FOXN3: variants seen among roughly 807,000 people sequenced by gnomAD.
FOXN3 encodes forkhead box protein N3.
FOXN3 carries 7 observed loss-of-function variants against 38.4 expected under a neutral mutation model. The observed-to-expected ratio is 0.18, with a 90% confidence interval of 0.10 to 0.34. The LOEUF (loss-of-function observed/expected upper bound fraction) is 0.34. FOXN3 is among the 10% of genes least tolerant of loss of function. FOXN3 has a pLI of 1.00. For missense variants in FOXN3, 456 were observed against 613.4 expected (o/e 0.74, Z 2.71); for synonymous variants, 230 against 242.2 (o/e 0.95, Z 0.47).
At chr14:89,463,216 G>T (rs1452320750) in intron 1 of FOXN3, among the ~76,000 whole-genome samples, 1 of 151,616 alleles carries the variant, frequency 6.6e-6, no homozygotes, top group Non-Finnish European at 1.5e-5. Context: ...ATGAACCCGG[G>T]AGGCAGAGCC....
At chr14:89,323,297 A>AG (rs1357551124) in intron 3 of FOXN3, among the ~76,000 whole-genome samples, 4 of 147,480 alleles carry the variant, frequency 2.7e-5, no homozygotes, top group East Asian at 2.0e-4. Flanking sequence ...CAAAAAAAAA[A>AG]AAAAAAAGAA....
At chr14:89,461,364 C>A (rs1194536438) in intron 1 of FOXN3, among the ~76,000 whole-genome samples, 2 of 151,750 alleles carry the variant, frequency 1.3e-5, no homozygotes, top group African/African-American at 4.8e-5. Context: ...TCTCAGTCTG[C>A]CTGTTGTCTG....
intron 3 of FOXN3, among the ~76,000 whole-genome samples, chr14:89,322,196 T>C (rs1596182459): frequency 6.6e-6 from 1 of 152,048 alleles, no homozygotes. Flanking sequence ...TGTTAATAAT[T>C]AGCAGGAAGC....
intron 4 of FOXN3, among the ~76,000 whole-genome samples, chr14:89,245,784 C>T (rs1885276769): frequency 6.6e-6 from 1 of 152,162 alleles, no homozygotes; most frequent in East Asian, 1.9e-4. Flanking sequence ...ACTTGTTAAA[C>T]AAACAAACTC....
intron 1 of FOXN3, among the ~76,000 whole-genome samples, chr14:89,465,344 C>T (rs2139735848): frequency 6.6e-6 from 1 of 152,298 alleles, no homozygotes; most frequent in South Asian, 2.1e-4. Flanking sequence ...ATTCTCCTGC[C>T]TCAGCCTCCC....
At chr14:89,580,098 C>T (rs369216272) in intron 1 of FOXN3, among the ~76,000 whole-genome samples, 1 of 152,120 alleles carries the variant, frequency 6.6e-6, no homozygotes, top group Admixed American at 6.6e-5. Context: ...ACTCCATAAC[C>T]CATATTTCTA....
intron 1 of FOXN3, among the ~76,000 whole-genome samples, chr14:89,545,426 G>A (rs243170): frequency 0.3 from 46,131 of 152,074 alleles, 7,392 homozygotes; most frequent in East Asian, 0.46. Flanking sequence ...TGTGCCTACT[G>A]GCTCCTTCTA....
upstream of FOXN3, chr14:89,417,719 G>A (rs1304036708): frequency 2.2e-6 from 1 of 455,794 alleles, no homozygotes; most frequent in African/African-American, 2.0e-5. Context: ...GAGATTCCAC[G>A]TCTCCCCAGT....
intron 3 of FOXN3, 92 bp downstream of exon 3, chr14:89,350,578 ATC>A (rs1888929248): frequency 2.7e-6 from 3 of 1,106,468 alleles, no homozygotes; most frequent in Non-Finnish European, 3.7e-6. Flanking sequence ...TATTTTTAAA[ATC>A]TCGTACGGCC....
chr14:89,281,043 C>G, intron 3 of FOXN3, 29 bp from the exon 4 acceptor site: 1 of 1,598,982 alleles, frequency 6.3e-7, no homozygotes. Context: ...TAGCATAAGG[C>G]CAAGTTCATC....
intron 3 of FOXN3, among the ~76,000 whole-genome samples, chr14:89,334,050 A>T (rs907486192): frequency 3.0e-5 from 3 of 99,302 alleles, no homozygotes; most frequent in Non-Finnish European, 7.1e-5. Flanking sequence ...CACACACACA[A>T]AGGAATATTA....
chr14:89,168,901 A>G (rs1454043671), intron 5 of FOXN3, among the ~76,000 whole-genome samples: 1 of 152,226 alleles, frequency 6.6e-6, no homozygotes, highest in Non-Finnish European at 1.5e-5. Flanking sequence ...ACTAATTAAG[A>G]TAAAACAAGT....
intron 3 of FOXN3, among the ~76,000 whole-genome samples, chr14:89,334,002 ATATATATG>A (rs1420012940): frequency 4.5e-4 from 18 of 39,956 alleles, no homozygotes; most frequent in Admixed American, 7.8e-4. Context: ...ATATATATAT[ATATATATG>A]TATATAAATG....
intron 2 of FOXN3, among the ~76,000 whole-genome samples, chr14:89,398,606 C>T (rs1360031696): frequency 6.6e-6 from 1 of 152,110 alleles, no homozygotes; most frequent in South Asian, 2.1e-4. Context: ...GCATGTTAAT[C>T]CTCATCACCT....
intron 4 of FOXN3, among the ~76,000 whole-genome samples, chr14:89,236,701 T>C (rs184591448): frequency 1.9e-4 from 29 of 152,320 alleles, no homozygotes; most frequent in African/African-American, 6.0e-4. Context: ...ATTGTCCTGA[T>C]AGGGAGGCCT....
chr14:89,326,732 C>G (rs927892360), intron 3 of FOXN3, among the ~76,000 whole-genome samples: 3 of 152,052 alleles, frequency 2.0e-5, no homozygotes, highest in East Asian at 1.9e-4. Flanking sequence ...GCTGTAAAAC[C>G]ACTAAAAGCT....
intron 3 of FOXN3, among the ~76,000 whole-genome samples, chr14:89,327,652 C>T (rs892202075): frequency 6.6e-6 from 1 of 152,176 alleles, no homozygotes; most frequent in African/African-American, 2.4e-5. Flanking sequence ...TACTAGTTTA[C>T]CCCTCAGATG....
intron 1 of FOXN3, among the ~76,000 whole-genome samples, chr14:89,559,088 G>A (rs576866226): frequency 7.2e-5 from 11 of 152,028 alleles, no homozygotes; most frequent in East Asian, 5.8e-4. Context: ...GGACAGATTC[G>A]GTGGCTCACA....
intron 5 of FOXN3, among the ~76,000 whole-genome samples, chr14:89,173,074 G>A (rs903679100): frequency 1.3e-5 from 2 of 152,130 alleles, no homozygotes; most frequent in Non-Finnish European, 2.9e-5. Flanking sequence ...GTCAATACAA[G>A]ATTGATATGT....
Sources: allele counts gnomAD v4.1 joint callset (sites outside exome capture counted in the v4.1 genomes callset), GRCh38; gene constraint gnomAD v4.1.1; transcripts MANE v1.5; gene names NCBI Gene and HGNC (gene_info 2026-07-23, HGNC 2026-07-21).